The following POLRMT variants were observed in gnomAD, a reference collection of about 807,000 sequenced individuals.
POLRMT encodes DNA-directed RNA polymerase, mitochondrial.
POLRMT carries 114 observed loss-of-function variants against 132.2 expected under a neutral mutation model. The ratio of observed to expected loss-of-function variants is 0.86; its 90% CI spans 0.74 to 1.01. The LOEUF is 1.01. Among genes scored for constraint, POLRMT ranks in the 50% least tolerant of loss-of-function variants. POLRMT has a pLI of 0.00. For synonymous variants in POLRMT, 1,020 were observed against 773.4 expected, an observed-to-expected ratio of 1.32 and a Z score of -5.29; for missense variants, 2,003 against 1,729.1, an observed-to-expected ratio of 1.16 and a Z score of -2.81.
At chr19:626,659 G>A (rs1487930678) in intron 3 of POLRMT, among the ~76,000 whole-genome samples, 3 of 116,274 alleles carry the variant, frequency 2.6e-5, no homozygotes, top group African/African-American at 4.4e-5. Flanking sequence ...TTAGCTGGGC[G>A]TGGTGGCTCA....
chr19:628,537 C>T lies in POLRMT; in HGVS notation c.822+1003G>A, dbSNP rs141246434. 6.6e-3 allele frequency among the ~76,000 whole-genome samples: 1,008 copies of T among 152,212 alleles called. 12 individuals carry two copies. The highest frequency in any genetic ancestry group is 0.021 in the African/African-American group (853 of 41,516). Reference sequence around the variant, plus strand: ...CTACCACGAATTGGTCTTAATATTGCGATATCTGTATTTTAATATAATAGT... The same window carrying T: ...CTACCACGAATTGGTCTTAATATTGTGATATCTGTATTTTAATATAATAGT... On this transcript the variant is annotated intron_variant, in intron 3 of 20. Transcript: ENST00000588649.
At chr19:628,025 G>A (rs1239434879) in intron 3 of POLRMT, among the ~76,000 whole-genome samples, 1 of 151,824 alleles carries the variant, frequency 6.6e-6, no homozygotes. Flanking sequence ...ATTATCCGGG[G>A]GTGGTGGCAC....
At chr19:632,307 G>T (rs962064050) in intron 2 of POLRMT, among the ~76,000 whole-genome samples, 2 of 152,228 alleles carry the variant, frequency 1.3e-5, no homozygotes, top group Admixed American at 6.5e-5. Context: ...ACAGGATGTG[G>T]GACAGAAGCA....
At chr19:618,144 C>A in intron 17 of POLRMT, 2 of 565,968 alleles carry the variant, frequency 3.5e-6, no homozygotes, top group Non-Finnish European at 6.3e-6. Context: ...AGGGCCACCA[C>A]CCCGCATCCT....
chr19:621,178 C>G lies in POLRMT; in HGVS notation c.2520G>C (p.Trp840Cys). The G allele has an allele frequency of 1.9e-6, 3 of 1,610,734 alleles. No homozygotes were observed. The highest frequency in any genetic ancestry group is 2.5e-6 in the Non-Finnish European group (3 of 1,178,604). ...TGAGATTGACCAGGTGGATCTTGAG[C>G]CAATCCAGGCCGTGCGGGCCGAGCG... ...GRPLGPHGLD[W>C]LKIHLVNLTG... Residue 840 changes from tryptophan to cysteine, a missense_variant, in exon 10 of 21, where the codon TGG (tryptophan) becomes TGC (cysteine). Trp to Cys is a radical substitution (Grantham distance 215, BLOSUM62 -2). Transcript: ENST00000588649.
intron 15 of POLRMT, 66 bp from the exon 16 acceptor site, chr19:618,826 G>T (rs780641328): frequency 2.6e-5 from 39 of 1,517,096 alleles, no homozygotes; most frequent in Non-Finnish European, 3.1e-5. Context: ...CATTGAGGTG[G>T]TGGTACACTG....
At chr19:617,548 T>C (rs762814001) in intron 19 of POLRMT, 22 bp downstream of exon 19, 3 of 1,610,618 alleles carry the variant, frequency 1.9e-6, no homozygotes, top group South Asian at 2.2e-5. Context: ...ATCCAGGTAG[T>C]TGGGGTCAGG....
intron 13 of POLRMT, 107 bp from the exon 14 acceptor site, chr19:619,403 G>C: frequency 2.8e-6 from 4 of 1,414,908 alleles, no homozygotes; most frequent in East Asian, 2.3e-5. Flanking sequence ...GCCTAGCAGG[G>C]GGGCAGGGGA....
intron 11 of POLRMT, 137 bp downstream of exon 11, chr19:620,228 A>C: frequency 6.9e-7 from 1 of 1,445,294 alleles, no homozygotes; most frequent in African/African-American, 1.4e-5. Flanking sequence ...GGGAGAGACC[A>C]GGAGCCATGG....
In POLRMT at chr19:617,598, T is replaced by A; in HGVS notation, c.3553A>T (p.Arg1185Ter). Residue 1185 changes from arginine (R) to a stop codon, truncating the protein, a stop_gained, in exon 19 of 21, where the codon AGA becomes TGA. Coordinates refer to ENST00000588649, the MANE Select transcript of POLRMT (RefSeq NM_005035.4). LOFTEE classifies it high-confidence loss of function. ...GAGCAGAACCGCTTGACCAGGAATC[T>A]GGACAGGTCCTGCAGGATGGGCTCG... ...HSEPILQDLS[R>*]FLVKRFCSEP... The A allele has an allele frequency of 6.2e-7, 1 of 1,612,386 alleles. No homozygotes were observed.
chr19:620,528 G>T (rs777984100), intron 10 of POLRMT, 41 bp from the exon 11 acceptor site: 1 of 1,500,536 alleles, frequency 6.7e-7, no homozygotes. Context: ...GCCCGGGCCC[G>T]ATCCCTGAGC....
In POLRMT at chr19:629,787, G is replaced by A; in HGVS notation, c.575C>T (p.Ala192Val). ...APESPWEEQL[A>V]RLLQEAPGKL... Reference sequence around the variant, plus strand: ...CCCAGGGGCCTCCTGCAGCAGCCGGGCCAGCTGCTCCTCCCAGGGGCTCTC... The same window carrying A: ...CCCAGGGGCCTCCTGCAGCAGCCGGACCAGCTGCTCCTCCCAGGGGCTCTC... Residue 192 changes from alanine (A) to valine (V), a missense_variant, in exon 3 of 21, where the codon GCC (alanine) becomes GTC (valine). Transcript: ENST00000588649. 1.9e-6 allele frequency: 3 copies of A among 1,570,546 alleles called. No homozygotes were observed. Among genetic ancestry groups the A allele is most frequent in the African/African-American group, 1.4e-5 (1 of 73,476 alleles).
At position 633,474 on chromosome 19, in the gene POLRMT, G is replaced by T. The variant is rs765797182; in HGVS notation, c.39C>A (p.Leu13=). The T allele has an allele frequency of 6.4e-7, 1 of 1,560,598 alleles. No individual in the cohort carries two copies. Among genetic ancestry groups the T allele is most frequent in the South Asian group, 1.2e-5 (1 of 83,184 alleles). Residue 13 remains leucine, a synonymous_variant, in exon 1 of 21, where the codon CTC becomes CTA. Transcript: ENST00000588649. ...ALCWGRGAAG[L]KRALRPCGRP... is the part of the protein sequence containing the mutation. The stretch of plus-strand genomic sequence containing the variant: ...GGCCGCAAGGCCGTAGGGCTCGTTT[G>T]AGCCCCGCCGCTCCGCGGCCCCAGC...
chr19:620,999 C>T (rs1206472152), intron 10 of POLRMT, 59 bp downstream of exon 10: 32 of 1,249,842 alleles, frequency 2.6e-5, no homozygotes, highest in Admixed American at 9.0e-5. Context: ...GGCGCGGGGG[C>T]GCCGGGGGAG....
In POLRMT at chr19:621,796, G is replaced by T. The variant is rs752761257; in HGVS notation, c.1902C>A (p.Ala634=). The T allele has an allele frequency of 4.4e-6, 7 of 1,602,444 alleles. No individual in the cohort carries two copies. The highest frequency in any genetic ancestry group is 1.3e-5 in the African/African-American group (1 of 75,044). Residue 634 remains alanine, a synonymous_variant, in exon 10 of 21, where the codon GCC becomes GCA. Coordinates refer to ENST00000588649, the MANE Select transcript of POLRMT (RefSeq NM_005035.4). ...CCTCGAAGGTCAGCGTGGGCTCCGC[G>T]GCCTTCTCCAGCAGCTGCACGTAGG... The part of the protein sequence containing the change: ...HPAYVQLLEK[A]AEPTLTFEAV...
At position 625,154 on chromosome 19, in the gene POLRMT, C is replaced by T. The variant is rs1021773183; in HGVS notation, c.923G>A (p.Arg308Lys). The T allele has an allele frequency of 2.5e-6, 4 of 1,613,660 alleles. No individual in the cohort carries two copies. The highest frequency in any genetic ancestry group is 2.5e-6 in the Non-Finnish European group (3 of 1,179,922). The change falls in exon 4 of 21, where the codon AGG (arginine) becomes AAG (lysine). Residue 308 changes from arginine (R) to lysine (K), a missense_variant. Arg to Lys is a conservative substitution (Grantham distance 26). Transcript: ENST00000588649. ...GATGGTCCCGGCGTCCTGGTCCTGC[C>T]TCCCCATGCACTGGAGGGCAGCCGC... ...SYAAALQCMG[R>K]QDQDAGTIER...
chr19:621,778 G>A lies in POLRMT; in HGVS notation c.1920C>T (p.Thr640=), dbSNP rs576923483. The A allele has an allele frequency of 1.7e-4, 276 of 1,602,084 alleles. 7 individuals are homozygous for A. The South Asian group carries it at 2.5e-3, about 14-fold the overall frequency. ...GCATGGGTACATCCACCGCCTCGAA[G>A]GTCAGCGTGGGCTCCGCGGCCTTCT... ...LLEKAAEPTL[T]FEAVDVPMLC... is the part of the protein sequence containing the mutation. The change falls in exon 10 of 21, where the codon ACC becomes ACT. Residue 640 remains threonine (T), a synonymous_variant. Transcript: ENST00000588649.
rs1600594000 is a variant in POLRMT, at chr19:630,238, C to T, written c.194-70G>A. The T allele has an allele frequency of 4.7e-6, 7 of 1,501,590 alleles. No individual in the cohort carries two copies. The East Asian group carries it at 1.6e-4, about 34-fold the overall frequency. The allele number at this position is 1,501,590 out of a possible 1,614,324, so 93.0% of individuals were successfully genotyped here. On this transcript the variant is annotated intron_variant, in intron 2 of 20. Transcript: ENST00000588649. ...ATTCGAGCACCCGTCTCTCTGGACC[C>T]TGAGCCAGGCCAGGAGGTGCAGGTG... is the stretch of plus-strand genomic sequence containing the variant.
intron 17 of POLRMT, 180 bp downstream of exon 17, chr19:618,308 C>G: frequency 1.7e-6 from 1 of 592,806 alleles, no homozygotes; most frequent in South Asian, 2.2e-5. Context: ...GGGGAGCTGC[C>G]AGGACCACCT....
Sources: allele counts gnomAD v4.1 joint callset (sites outside exome capture counted in the v4.1 genomes callset), GRCh38; gene constraint gnomAD v4.1.1; transcripts MANE v1.5; gene names NCBI Gene and HGNC (gene_info 2026-07-23, HGNC 2026-07-21).